CACNA2D1: variants seen among roughly 807,000 people sequenced by gnomAD.
CACNA2D1 encodes the protein calcium voltage-gated channel auxiliary subunit alpha2delta 1.
In CACNA2D1, 53 loss-of-function variants were observed where a neutral mutation model predicts 171.5. The observed-to-expected ratio is 0.31, with a 90% CI of 0.25 to 0.39. CACNA2D1 has a LOEUF of 0.39. CACNA2D1 is among the 10% of genes least tolerant of loss of function. CACNA2D1 has a pLI of 1.00. For synonymous variants in CACNA2D1, 442 were observed against 443.1 expected (o/e 1.00, Z 0.03); for missense variants, 903 against 1,299.8 (o/e 0.69, Z 4.69).
chr7:81,951,982 T>TTTTTTGTTTGTTTTTTTG (rs1433707799), intron 38 of CACNA2D1, among the ~76,000 whole-genome samples: 8 of 149,118 alleles, frequency 5.4e-5, no homozygotes, highest in Non-Finnish European at 1.0e-4. Flanking sequence ...TTTTTTTTTT[T>TTTTTTGTTTGTTTTTTTG]TTTTTTTTTA....
chr7:82,087,578 G>T (rs1165101061), intron 6 of CACNA2D1, among the ~76,000 whole-genome samples: 1 of 141,902 alleles, frequency 7.0e-6, no homozygotes, highest in Non-Finnish European at 1.5e-5. Flanking sequence ...AAAAAAAAAT[G>T]GAAAAGAAAA....
intron 31 of CACNA2D1, among the ~76,000 whole-genome samples, chr7:81,966,520 T>C (rs1395083712): frequency 6.6e-6 from 1 of 151,428 alleles, no homozygotes; most frequent in Non-Finnish European, 1.5e-5. Context: ...CTTGGAGATA[T>C]ACAGACACAC....
chr7:82,099,816 C>T (rs1812453779), intron 6 of CACNA2D1, among the ~76,000 whole-genome samples: 1 of 152,066 alleles, frequency 6.6e-6, no homozygotes, highest in African/African-American at 2.4e-5. Flanking sequence ...TCATATTATT[C>T]TGTTCTCTAT....
intron 1 of CACNA2D1, among the ~76,000 whole-genome samples, chr7:82,402,936 T>C (rs1049319736): frequency 2.0e-5 from 3 of 151,948 alleles, no homozygotes; most frequent in African/African-American, 4.8e-5. Context: ...AAGGCTATAA[T>C]TTAGTTAAAA....
intron 3 of CACNA2D1, among the ~76,000 whole-genome samples, chr7:82,298,101 T>G (rs1812528015): frequency 6.6e-6 from 1 of 151,982 alleles, no homozygotes; most frequent in African/African-American, 2.4e-5. Flanking sequence ...TGTAGAATTA[T>G]ACACACCGAC....
At chr7:82,105,668 T>C (rs935535076) in intron 6 of CACNA2D1, among the ~76,000 whole-genome samples, 1 of 152,084 alleles carries the variant, frequency 6.6e-6, no homozygotes, top group Non-Finnish European at 1.5e-5. Flanking sequence ...AGTGGCTTAG[T>C]CACTGCCAAT....
intron 24 of CACNA2D1, among the ~76,000 whole-genome samples, chr7:81,978,074 A>G (rs1796040525): frequency 6.6e-6 from 1 of 152,232 alleles, no homozygotes; most frequent in Non-Finnish European, 1.5e-5. Flanking sequence ...GATCATTGAA[A>G]AGTCAGGAAA....
chr7:82,334,360 C>G (rs59880667), intron 3 of CACNA2D1, among the ~76,000 whole-genome samples: 6,174 of 152,220 alleles, frequency 0.041, 250 homozygotes, highest in East Asian at 0.14. Flanking sequence ...CACATAAGTA[C>G]TAGGAGACTT....
At chr7:82,240,800 C>G (rs1217944971) in intron 3 of CACNA2D1, among the ~76,000 whole-genome samples, 1 of 151,994 alleles carries the variant, frequency 6.6e-6, no homozygotes, top group Admixed American at 6.6e-5. Context: ...AACCCTGTCT[C>G]TACTAAAAAT....
intron 1 of CACNA2D1, among the ~76,000 whole-genome samples, chr7:82,391,256 C>T (rs1825087905): frequency 6.6e-6 from 1 of 152,194 alleles, no homozygotes; most frequent in South Asian, 2.1e-4. Flanking sequence ...ACAACACATT[C>T]ACCACACAAG....
intron 6 of CACNA2D1, among the ~76,000 whole-genome samples, chr7:82,091,519 G>A (rs1397507971): frequency 6.6e-6 from 1 of 152,192 alleles, no homozygotes; most frequent in Non-Finnish European, 1.5e-5. Context: ...GTGGAGCACA[G>A]AGGAGGAGCT....
chr7:81,979,082 G>C (rs37085), intron 24 of CACNA2D1, among the ~76,000 whole-genome samples: 1 of 151,658 alleles, frequency 6.6e-6, no homozygotes, highest in Non-Finnish European at 1.5e-5. Flanking sequence ...AAATGGTCAC[G>C]TATTGTATTG....
intron 4 of CACNA2D1, among the ~76,000 whole-genome samples, chr7:82,149,631 G>A (rs545535641): frequency 5.5e-4 from 84 of 152,018 alleles, no homozygotes; most frequent in Non-Finnish European, 1.1e-3. Flanking sequence ...CTTAGAGGAG[G>A]AAGCTATAAG....
chr7:82,182,975 T>A (rs949356433), intron 3 of CACNA2D1, among the ~76,000 whole-genome samples: 2 of 148,446 alleles, frequency 1.3e-5, no homozygotes, highest in African/African-American at 5.0e-5. Flanking sequence ...AGGCGGAAGA[T>A]GCAGTAAGCG....
intron 7 of CACNA2D1, among the ~76,000 whole-genome samples, chr7:82,069,619 T>C (rs1270605927): frequency 1.3e-5 from 2 of 152,178 alleles, no homozygotes; most frequent in African/African-American, 2.4e-5. Context: ...CTCAGAATAC[T>C]GATATACGTA....
At chr7:82,229,896 A>T (rs1802737001) in intron 3 of CACNA2D1, among the ~76,000 whole-genome samples, 1 of 152,202 alleles carries the variant, frequency 6.6e-6, no homozygotes, top group African/African-American at 2.4e-5. Context: ...CTTTGAATAA[A>T]CTGCTCTAAT....
intron 36 of CACNA2D1, among the ~76,000 whole-genome samples, chr7:81,960,563 CTAAAAAAG>C (rs1198496338): frequency 6.6e-6 from 1 of 152,002 alleles, no homozygotes; most frequent in African/African-American, 2.4e-5. Flanking sequence ...AAATATATCA[CTAAAAAAG>C]TAATTTCTTT....
At chr7:82,330,427 T>G (rs899459123) in intron 3 of CACNA2D1, among the ~76,000 whole-genome samples, 4 of 152,132 alleles carry the variant, frequency 2.6e-5, no homozygotes, top group African/African-American at 7.2e-5. Context: ...TTTAACTTCC[T>G]TTTTTCAAAA....
At position 82,292,846 on chromosome 7, in the gene CACNA2D1, ATGAG is replaced by A. The variant is rs537836217; in HGVS notation, c.294+42285_294+42288del. On this transcript the variant is annotated intron_variant, in intron 3 of 38. Coordinates refer to ENST00000356860, the MANE Select transcript of CACNA2D1 (RefSeq NM_000722.4). Reference sequence around the variant, plus strand: ...AAATAAACAAATTTTATATGAATATATGAGTAAGCATTCTTACTATATACAAATA... The same window carrying A: ...AAATAAACAAATTTTATATGAATATATAAGCATTCTTACTATATACAAATA... Among the ~76,000 whole-genome samples, 88 of 152,258 alleles carry A rather than the reference ATGAG, an allele frequency of 5.8e-4. 1 individual carries two copies. The highest frequency in any genetic ancestry group is 5.0e-3 in the Admixed American group (77 of 15,286).
Sources: allele counts gnomAD v4.1 joint callset (sites outside exome capture counted in the v4.1 genomes callset), GRCh38; gene constraint gnomAD v4.1.1; transcripts MANE v1.5; gene names NCBI Gene and HGNC (gene_info 2026-07-23, HGNC 2026-07-21).